TRHDE: variants seen among roughly 807,000 people sequenced by gnomAD.
TRHDE encodes the protein thyrotropin releasing hormone degrading enzyme, also known as thyrotropin-releasing hormone-degrading ectoenzyme.
In TRHDE, 72 loss-of-function variants were observed where a neutral mutation model predicts 125.7. That is an observed-to-expected ratio of 0.57 (90% CI 0.47 to 0.70). TRHDE has a LOEUF of 0.70. Ranked by LOEUF, TRHDE falls within the 30% of genes least tolerant of loss-of-function variation. The pLI is 0.00. For missense variants in TRHDE, 1,110 were observed against 1,327.1 expected (o/e 0.84, Z 2.54); for synonymous variants, 509 against 509.1 (o/e 1.00, Z 0.00).
intron 3 of TRHDE, among the ~76,000 whole-genome samples, chr12:72,406,554 G>T (rs1485489364): frequency 6.6e-6 from 1 of 152,110 alleles, no homozygotes. Context: ...CTTCTCCTAA[G>T]GGAGAGATTC....
At chr12:72,294,071 G>T (rs112618977) in intron 2 of TRHDE, among the ~76,000 whole-genome samples, 5,868 of 152,282 alleles carry the variant, frequency 0.039, 165 homozygotes, top group Non-Finnish European at 0.054. Flanking sequence ...GAGATGCCAG[G>T]AACCACAGGG....
At chr12:72,594,418 A>G (rs1048000742) in intron 12 of TRHDE, among the ~76,000 whole-genome samples, 7 of 150,724 alleles carry the variant, frequency 4.6e-5, no homozygotes, top group African/African-American at 1.7e-4. Flanking sequence ...GGTTTTCTCC[A>G]TGTTGGTCAG....
intron 3 of TRHDE, among the ~76,000 whole-genome samples, chr12:72,444,141 G>T (rs1201744252): frequency 6.6e-6 from 1 of 151,786 alleles, no homozygotes; most frequent in Non-Finnish European, 1.5e-5. Context: ...AAAACAAGGT[G>T]CTCCTGATTT....
At chr12:72,233,802 A>T (rs192344717) in intron 2 of TRHDE, among the ~76,000 whole-genome samples, 10 of 152,318 alleles carry the variant, frequency 6.6e-5, no homozygotes, top group Non-Finnish European at 1.3e-4. Context: ...ATGCTTGGCA[A>T]AGTTATTCTC....
chr12:72,185,613 A>G (rs1055071009), intron 2 of TRHDE, among the ~76,000 whole-genome samples: 1 of 149,960 alleles, frequency 6.7e-6, no homozygotes, highest in African/African-American at 2.5e-5. Flanking sequence ...GCACCAATCT[A>G]CACTGTATCT....
At chr12:72,623,329 T>C (rs915279401) in intron 15 of TRHDE, among the ~76,000 whole-genome samples, 7 of 152,028 alleles carry the variant, frequency 4.6e-5, no homozygotes, top group Non-Finnish European at 7.4e-5. Flanking sequence ...ATTATTGTTT[T>C]AACACTTTAA....
chr12:72,575,585 C>T, intron 12 of TRHDE, 43 bp downstream of exon 12: 2 of 1,565,534 alleles, frequency 1.3e-6, no homozygotes, highest in Non-Finnish European at 1.8e-6. Flanking sequence ...CTTGTGCCTG[C>T]AAGACTTCCT....
At chr12:72,213,122 A>G (rs1343827787) in intron 2 of TRHDE, among the ~76,000 whole-genome samples, 3 of 152,274 alleles carry the variant, frequency 2.0e-5, no homozygotes, top group South Asian at 2.1e-4. Context: ...TTCCATTTCT[A>G]TGAAATGTCC....
chr12:72,455,393 A>G (rs551966091), intron 3 of TRHDE, among the ~76,000 whole-genome samples: 84 of 152,206 alleles, frequency 5.5e-4, no homozygotes, highest in Non-Finnish European at 1.0e-3. Flanking sequence ...TAAACTTTAA[A>G]AATAATTTTA....
At chr12:72,505,671 G>GA (rs1480773564) in intron 6 of TRHDE, among the ~76,000 whole-genome samples, 1 of 152,128 alleles carries the variant, frequency 6.6e-6, no homozygotes, top group Non-Finnish European at 1.5e-5. Flanking sequence ...ATTAGCAAGT[G>GA]AAAAAATCTT....
At chr12:72,333,679 G>A (rs1869704757) in intron 2 of TRHDE, among the ~76,000 whole-genome samples, 1 of 152,196 alleles carries the variant, frequency 6.6e-6, no homozygotes, top group Non-Finnish European at 1.5e-5. Flanking sequence ...CATGTGGCAT[G>A]AATACACTTC....
intron 2 of TRHDE, among the ~76,000 whole-genome samples, chr12:72,223,088 G>T (rs920441076): frequency 1.2e-4 from 18 of 152,060 alleles, no homozygotes; most frequent in Non-Finnish European, 2.2e-4. Context: ...AGTCAGCATA[G>T]TGACCTGAGA....
intron 3 of TRHDE, among the ~76,000 whole-genome samples, chr12:72,417,819 T>G (rs1873794126): frequency 6.6e-6 from 1 of 152,038 alleles, no homozygotes; most frequent in African/African-American, 2.4e-5. Context: ...TTTTTTTAAG[T>G]TTACTGACCA....
chr12:72,439,183 T>C (rs546736641), intron 3 of TRHDE, among the ~76,000 whole-genome samples: 1 of 151,948 alleles, frequency 6.6e-6, no homozygotes, highest in African/African-American at 2.4e-5. Context: ...CTTAGTACCA[T>C]ACTGTTTTGG....
intron 2 of TRHDE, among the ~76,000 whole-genome samples, chr12:72,161,994 T>C (rs544557181): frequency 6.6e-6 from 1 of 152,310 alleles, no homozygotes; most frequent in Admixed American, 6.5e-5. Flanking sequence ...TGCCCAATAG[T>C]ATGGTTTGTG....
intron 2 of TRHDE, among the ~76,000 whole-genome samples, chr12:72,208,306 C>A (rs1270965469): frequency 6.6e-6 from 1 of 152,112 alleles, no homozygotes. Flanking sequence ...CTCATTTCAA[C>A]TTAAACAAAT....
intron 2 of TRHDE, among the ~76,000 whole-genome samples, chr12:72,344,167 T>C (rs957043044): frequency 6.6e-6 from 1 of 152,044 alleles, no homozygotes; most frequent in African/African-American, 2.4e-5. Flanking sequence ...TAGGAGTAGA[T>C]GAAGAACTGT....
chr12:72,568,423 G>T (rs987556163), intron 9 of TRHDE, 145 bp from the exon 10 acceptor site: 92 of 477,164 alleles, frequency 1.9e-4, no homozygotes, highest in Non-Finnish European at 7.7e-5. Flanking sequence ...TTTGACCTAT[G>T]CCTTACTTTT....
intron 2 of TRHDE, among the ~76,000 whole-genome samples, chr12:72,198,481 A>G (rs116674721): frequency 1.3e-3 from 199 of 152,222 alleles, no homozygotes; most frequent in African/African-American, 4.5e-3. Context: ...CACTCAATAT[A>G]TATTTGTTGA....
Sources: allele counts gnomAD v4.1 joint callset (sites outside exome capture counted in the v4.1 genomes callset), GRCh38; gene constraint gnomAD v4.1.1; transcripts MANE v1.5; gene names NCBI Gene and HGNC (gene_info 2026-07-23, HGNC 2026-07-21).